Variants in TLN2 observed in about 807,000 individuals in gnomAD.
The protein encoded by TLN2 is talin-2.
TLN2 carries 118 observed loss-of-function variants against 294.7 expected under a neutral mutation model. That is an observed-to-expected ratio of 0.40 (90% CI 0.34 to 0.47). TLN2 has a LOEUF of 0.47. TLN2 is among the 20% of genes least tolerant of loss of function. TLN2 has a pLI of 0.84. For synonymous variants in TLN2, 1,431 were observed against 1,304.5 expected (o/e 1.10, Z -2.09); for missense variants, 3,083 against 3,282.2 (o/e 0.94, Z 1.48).
At chr15:62,837,422 G>T (rs971917422) in intron 57 of TLN2, among the ~76,000 whole-genome samples, 7 of 152,080 alleles carry the variant, frequency 4.6e-5, no homozygotes, top group Non-Finnish European at 7.4e-5. Context: ...ACTTTTCAGG[G>T]GTTTCATCTG....
At chr15:62,776,932 C>G in intron 43 of TLN2, 22 bp downstream of exon 43, 2 of 1,475,740 alleles carry the variant, frequency 1.4e-6, no homozygotes, top group African/African-American at 2.9e-5. Flanking sequence ...CTCTAGGGCT[C>G]TCTACTCCCT....
In TLN2 at chr15:62,707,242, G is replaced by A. The variant is rs2059128977; in HGVS notation, c.2161G>A (p.Ala721Thr). 6.2e-7 allele frequency: 1 copy of A among 1,611,072 alleles called. No homozygotes were observed. The highest frequency in any genetic ancestry group is 8.5e-7 in the Non-Finnish European group (1 of 1,178,028). ...QCALSTSQLV[A>T]CAKVVSPTIS... ...TGCCCTCTCCACCTCCCAGCTTGTG[G>A]CATGTGCCAAGGTAAGCCAGCTGGC... The change falls in exon 20 of 59, where the codon GCA becomes ACA. Residue 721 changes from alanine to threonine, a missense_variant. Physicochemically the swap from Ala to Thr is moderately conservative, Grantham distance 58. Transcript: ENST00000636159.
intron 1 of TLN2, among the ~76,000 whole-genome samples, chr15:62,404,238 C>T (rs1412061779): frequency 6.6e-6 from 1 of 152,186 alleles, no homozygotes; most frequent in East Asian, 1.9e-4. Flanking sequence ...GTAGAAGGCA[C>T]CTGCAGAGGA....
At chr15:62,676,337 C>T (rs370174984) in intron 11 of TLN2, among the ~76,000 whole-genome samples, 1 of 152,266 alleles carries the variant, frequency 6.6e-6, no homozygotes, top group South Asian at 2.1e-4. Context: ...CAAACTAGCT[C>T]TCAGTTTTAC....
chr15:62,730,291 C>T (rs546547344), intron 28 of TLN2, among the ~76,000 whole-genome samples: 2 of 152,260 alleles, frequency 1.3e-5, no homozygotes, highest in South Asian at 2.1e-4. Context: ...CTGCCCTCCT[C>T]AGCCTCCCAA....
chr15:62,493,811 A>G (rs1378020531), intron 1 of TLN2, among the ~76,000 whole-genome samples: 5 of 151,958 alleles, frequency 3.3e-5, no homozygotes, highest in Admixed American at 6.5e-5. Context: ...CGGTTTCACC[A>G]TGTTTGCCAG....
intron 2 of TLN2, among the ~76,000 whole-genome samples, chr15:62,591,775 G>A (rs2046094863): frequency 6.6e-6 from 1 of 152,136 alleles, no homozygotes; most frequent in African/African-American, 2.4e-5. Context: ...TCCAGGCTGG[G>A]TGTGGAGGTC....
At chr15:62,818,167 A>C (rs1436781926) in intron 52 of TLN2, among the ~76,000 whole-genome samples, 1 of 152,156 alleles carries the variant, frequency 6.6e-6, no homozygotes, top group African/African-American at 2.4e-5. Flanking sequence ...TTTACAGATG[A>C]GAAAACAGGT....
At chr15:62,677,413 T>C (rs2056337848) in intron 11 of TLN2, among the ~76,000 whole-genome samples, 1 of 152,228 alleles carries the variant, frequency 6.6e-6, no homozygotes, top group African/African-American at 2.4e-5. Flanking sequence ...GCCTCTTGCA[T>C]GTAGGTCAGT....
In TLN2 at chr15:62,675,271, A is replaced by C; in HGVS notation, c.907A>C (p.Lys303Gln). Residue 303 changes from lysine (K) to glutamine (Q), a missense_variant, in exon 11 of 59, where the codon AAA becomes CAA. By Grantham distance (53) the Lys-to-Gln change is moderately conservative. Transcript: ENST00000636159. ...SEIEAKVKYV[K>Q]LARSLRTYGV... ...GATAGAAGCCAAGGTCAAGTACGTC[A>C]AACTCGCACGGTCCCTCCGCACATA... 1 of 1,614,232 alleles carries C rather than the reference A, an allele frequency of 6.2e-7. No homozygotes were observed. Among genetic ancestry groups the C allele is most frequent in the Non-Finnish European group, 8.5e-7 (1 of 1,180,046 alleles).
At chr15:62,621,966 G>T (rs7173616) in intron 3 of TLN2, among the ~76,000 whole-genome samples, 45,362 of 151,900 alleles carry the variant, frequency 0.3, 7,596 homozygotes, top group East Asian at 0.55. Context: ...GTAGATGTCA[G>T]TTGTGCACAT....
intron 2 of TLN2, among the ~76,000 whole-genome samples, chr15:62,613,461 T>G (rs1005730591): frequency 1.3e-5 from 2 of 152,178 alleles, no homozygotes; most frequent in African/African-American, 2.4e-5. Flanking sequence ...ATGGAACTCA[T>G]GTACACTGCT....
chr15:62,770,901 C>T, intron 41 of TLN2, 63 bp from the exon 42 acceptor site: 1 of 1,542,254 alleles, frequency 6.5e-7, no homozygotes, highest in East Asian at 2.3e-5. Context: ...GACTGTGGAG[C>T]CCCTGAAGGA....
intron 2 of TLN2, among the ~76,000 whole-genome samples, chr15:62,595,905 C>G (rs903761590): frequency 6.6e-6 from 1 of 152,128 alleles, no homozygotes; most frequent in Non-Finnish European, 1.5e-5. Flanking sequence ...AGATGTTGTT[C>G]AAAGGATACA....
intron 1 of TLN2, among the ~76,000 whole-genome samples, chr15:62,449,896 T>G (rs1595831151): frequency 6.6e-6 from 1 of 152,324 alleles, no homozygotes; most frequent in Middle Eastern, 3.4e-3. Flanking sequence ...CATGATTTTC[T>G]GTCTTTATTT....
At chr15:62,730,044 T>TC (rs2060636867) in intron 28 of TLN2, among the ~76,000 whole-genome samples, 1 of 64,994 alleles carries the variant, frequency 1.5e-5, no homozygotes, top group Admixed American at 1.4e-4. Flanking sequence ...TTTTTTTTTT[T>TC]TTTGAAATGG....
chr15:62,421,691 G>A lies in TLN2; in HGVS notation c.-238+31006G>A, dbSNP rs1167884910. On this transcript the variant is annotated intron_variant, in intron 1 of 58. Transcript: ENST00000636159. ...CCTATTGGAGGGTAGGGGGTGGGGG[G>A]AGAGAGAGGATCAGAGAAAATAACC... Among the ~76,000 whole-genome samples the A allele has an allele frequency of 2.0e-5, 3 of 151,860 alleles. No individual in the cohort carries two copies. In the East Asian group the frequency reaches 5.8e-4, roughly 29 times the overall value.
intron 37 of TLN2, among the ~76,000 whole-genome samples, chr15:62,759,810 C>T (rs55740348): frequency 1.3e-5 from 2 of 152,184 alleles, no homozygotes; most frequent in Admixed American, 1.3e-4. Flanking sequence ...TCCACTCTTG[C>T]AATCAGCCTG....
chr15:62,712,927 A>C (rs1290896122), intron 22 of TLN2, among the ~76,000 whole-genome samples: 1 of 152,294 alleles, frequency 6.6e-6, no homozygotes, highest in Middle Eastern at 3.4e-3. Flanking sequence ...ATCACCTTCA[A>C]ATTCCTGCCC....
Sources: gnomAD v4.1 joint callset for allele counts (sites outside exome capture counted in the v4.1 genomes callset) on GRCh38, gnomAD v4.1.1 for gene constraint, MANE v1.5 for transcripts, NCBI Gene and HGNC (gene_info 2026-07-23, HGNC 2026-07-21) for gene names.